The following SLC20A2 variants were observed in gnomAD, a reference collection of about 807,000 sequenced individuals.
The protein encoded by SLC20A2 is sodium-dependent phosphate transporter 2.
In SLC20A2, 30 loss-of-function variants were observed where a neutral mutation model predicts 61.0. The observed-to-expected ratio is 0.49, with a 90% CI of 0.37 to 0.67. The LOEUF (loss-of-function observed/expected upper bound fraction) is 0.67, where lower values mean the gene tolerates loss of function less well. Among genes scored for constraint, SLC20A2 ranks in the 30% least tolerant of loss-of-function variants. The pLI is 0.00. For synonymous variants in SLC20A2, 351 were observed against 353.3 expected, an observed-to-expected ratio of 0.99 and a Z score of 0.07; for missense variants, 626 against 866.4, an observed-to-expected ratio of 0.72 and a Z score of 3.48.
chr8:42,504,625 C>T (rs1020231788), upstream of SLC20A2, among the ~76,000 whole-genome samples: 2 of 151,452 alleles, frequency 1.3e-5, no homozygotes, highest in African/African-American at 2.4e-5. Context: ...GGGTGGATCA[C>T]GAGGTCAGGA....
chr8:42,451,573 TGAAGAG>T (rs1363547553), intron 5 of SLC20A2, among the ~76,000 whole-genome samples: 3 of 84,106 alleles, frequency 3.6e-5, no homozygotes, highest in Admixed American at 1.7e-4. Context: ...GAGGAAGAGA[TGAAGAG>T]GAAGAGGAAG....
chr8:42,509,874 C>A (rs1435402498), intron 1 of SLC20A2, among the ~76,000 whole-genome samples: 2 of 152,136 alleles, frequency 1.3e-5, no homozygotes, highest in Non-Finnish European at 2.9e-5. Context: ...GATATATGCA[C>A]CTCAAATGGA....
At chr8:42,533,067 A>G (rs1218092216) in intron 1 of SLC20A2, among the ~76,000 whole-genome samples, 1 of 152,248 alleles carries the variant, frequency 6.6e-6, no homozygotes, top group African/African-American at 2.4e-5. Flanking sequence ...GATGCAGAAC[A>G]GGCCTATCAG....
chr8:42,489,622 G>A (rs188364101), intron 1 of SLC20A2, among the ~76,000 whole-genome samples: 30 of 152,186 alleles, frequency 2.0e-4, no homozygotes, highest in Non-Finnish European at 5.9e-5. Context: ...ATGATTCTCT[G>A]AAGTCTATTC....
chr8:42,437,352 G>C lies in SLC20A2; in HGVS notation c.1160C>G (p.Thr387Ser). 1 of 1,614,192 alleles carries C rather than the reference G, an allele frequency of 6.2e-7. No homozygotes were observed. The highest frequency in any genetic ancestry group is 8.5e-7 in the Non-Finnish European group (1 of 1,180,032). Residue 387 changes from threonine (T) to serine (S), a missense_variant, in exon 8 of 11, where the codon ACC (threonine) becomes AGC (serine). Thr to Ser is a moderately conservative substitution (Grantham distance 58). This residue lies in a region of SLC20A2 where 361 missense variants were observed against 422.3 expected (regional missense o/e 0.85). Transcript: ENST00000520262. This position sits in a 1 kb window ranked among gnomAD's most constrained non-coding sequence, Gnocchi z 6.4. ...CCCACAAATGGCTGCGGTGTAGCAG[G>C]TGTAACTGTTGTTTCGGCGCAGCAG... is the stretch of plus-strand genomic sequence containing the variant. Reference protein sequence around the residue: ...YRLLRRNNSYTCYTAAICGLP... With the variant: ...YRLLRRNNSYSCYTAAICGLP...
chr8:42,422,605 C>T (rs1803121092), intron 10 of SLC20A2, among the ~76,000 whole-genome samples: 1 of 152,036 alleles, frequency 6.6e-6, no homozygotes, highest in Non-Finnish European at 1.5e-5. Flanking sequence ...TTCCTCTAGT[C>T]AGCAGTATCC....
intron 1 of SLC20A2, among the ~76,000 whole-genome samples, chr8:42,487,446 G>C (rs1301537854): frequency 1.3e-5 from 2 of 152,026 alleles, no homozygotes; most frequent in Non-Finnish European, 2.9e-5. Flanking sequence ...CAAAGTGCTG[G>C]GATTACAGGC....
upstream of SLC20A2, among the ~76,000 whole-genome samples, chr8:42,504,386 C>A (rs1563531792): frequency 6.6e-6 from 1 of 152,032 alleles, no homozygotes; most frequent in Non-Finnish European, 1.5e-5. Context: ...AGACTAGTAG[C>A]AGATGCTGGG....
intron 1 of SLC20A2, among the ~76,000 whole-genome samples, chr8:42,517,280 A>G (rs1055713642): frequency 6.6e-6 from 1 of 151,600 alleles, no homozygotes; most frequent in Admixed American, 6.6e-5. Flanking sequence ...AGGTGGGAGG[A>G]TCACCTGAAC....
intron 1 of SLC20A2, among the ~76,000 whole-genome samples, chr8:42,512,496 G>T (rs538502845): frequency 1.3e-5 from 2 of 151,808 alleles, no homozygotes; most frequent in African/African-American, 4.8e-5. Context: ...GACTACAGGC[G>T]TGCGCTATCA....
intron 1 of SLC20A2, among the ~76,000 whole-genome samples, chr8:42,497,714 G>GTTTT (rs35618027): frequency 1.6e-4 from 22 of 135,580 alleles, no homozygotes; most frequent in African/African-American, 5.2e-4. Context: ...CCCTCAATTG[G>GTTTT]TTTTTTTTTT....
At chr8:42,540,227 G>C (rs1813004754) in intron 1 of SLC20A2, among the ~76,000 whole-genome samples, 1 of 152,202 alleles carries the variant, frequency 6.6e-6, no homozygotes, top group African/African-American at 2.4e-5. Context: ...GGGAGGCGGA[G>C]GTTGCAGTGA....
intron 1 of SLC20A2, among the ~76,000 whole-genome samples, chr8:42,486,140 CTG>C (rs59925363): frequency 0.016 from 2,430 of 148,460 alleles, 64 homozygotes; most frequent in African/African-American, 0.048. Context: ...AGCTCTCTCA[CTG>C]TGTGTGTGTG....
intron 4 of SLC20A2, among the ~76,000 whole-genome samples, chr8:42,460,855 G>A (rs918092846): frequency 1.3e-5 from 2 of 152,022 alleles, no homozygotes; most frequent in Non-Finnish European, 2.9e-5. Flanking sequence ...ATTCAAAAAG[G>A]GGCTAACTTC....
chr8:42,467,027 T>TGA (rs1807226749), intron 2 of SLC20A2, among the ~76,000 whole-genome samples: 1 of 152,000 alleles, frequency 6.6e-6, no homozygotes, highest in African/African-American at 2.4e-5. Flanking sequence ...TGGCTGGTCT[T>TGA]GAACTCCTGG....
intron 1 of SLC20A2, chr8:42,536,396 G>C (rs1042772334): frequency 6.6e-6 from 1 of 152,296 alleles, no homozygotes; most frequent in Admixed American, 6.5e-5. Context: ...AACCAGGCTT[G>C]CAGCCCAGGC....
At chr8:42,496,148 GTTTTTA>G (rs767533910) in intron 1 of SLC20A2, among the ~76,000 whole-genome samples, 19 of 152,196 alleles carry the variant, frequency 1.2e-4, no homozygotes, top group Non-Finnish European at 2.4e-4. Flanking sequence ...TTGTGTGACA[GTTTTTA>G]TTTTTATCTT....
intron 1 of SLC20A2, among the ~76,000 whole-genome samples, chr8:42,523,269 G>A (rs1449164832): frequency 6.6e-6 from 1 of 152,190 alleles, no homozygotes; most frequent in African/African-American, 2.4e-5. Flanking sequence ...GGTGGAGGAT[G>A]CGGTGAGCCG....
In SLC20A2 at chr8:42,465,848, C is replaced by G; in HGVS notation, c.359G>C (p.Gly120Ala). Residue 120 changes from glycine to alanine, a missense_variant, in exon 3 of 11, where the codon GGT (glycine) becomes GCT (alanine). Physicochemically the swap from Gly to Ala is moderately conservative, Grantham distance 60 (BLOSUM62 0). Transcript: ENST00000520262. Reference protein sequence around the residue: ...LPISGTHCIVGSTIGFSLVAI... With the variant: ...LPISGTHCIVASTIGFSLVAI... ...GACCAGTGAGAATCCTATAGTAGAA[C>G]CCACAATGCAGTGCGTTCCTGAGAT... 1 of 1,613,920 alleles carries G rather than the reference C, an allele frequency of 6.2e-7. No homozygotes were observed.
Sources: gnomAD v4.1 joint callset for allele counts (sites outside exome capture counted in the v4.1 genomes callset) on GRCh38, gnomAD v4.1.1 for gene constraint, gnomAD v4.1.1 regional missense constraint, Gnocchi (gnomAD v3.1) non-coding constraint, MANE v1.5 for transcripts, NCBI Gene and HGNC (gene_info 2026-07-23, HGNC 2026-07-21) for gene names.